The following FAM120A variants were observed in gnomAD, a reference collection of about 807,000 sequenced individuals.
FAM120A encodes the protein constitutive coactivator of PPAR-gamma-like protein 1.
In FAM120A, 15 loss-of-function variants were observed where a neutral mutation model predicts 109.7. That is an observed-to-expected ratio of 0.14 (90% confidence interval 0.09 to 0.21). The LOEUF is 0.21. Ranked by LOEUF, FAM120A falls within the 10% of genes least tolerant of loss-of-function variation. FAM120A has a pLI of 1.00. For synonymous variants in FAM120A, 493 were observed against 572.8 expected (o/e 0.86, Z 1.99); for missense variants, 899 against 1,439.3 (o/e 0.62, Z 6.07).
At chr9:93,509,706 G>T (rs1183098151) in intron 5 of FAM120A, among the ~76,000 whole-genome samples, 1 of 151,986 alleles carries the variant, frequency 6.6e-6, no homozygotes, top group African/African-American at 2.4e-5. Flanking sequence ...AAGTTTTGTT[G>T]TTGTTGTGAT....
Position 93,497,636 on chromosome 9 carries a change from C to T in FAM120A, c.933+37C>T, listed in dbSNP as rs754788441. ...AACAAACAAAACAAAAAAACAGATTCATGGGATATGACGTTGCATAGTGGT... is the reference window on the plus strand; with the variant it reads ...AACAAACAAAACAAAAAAACAGATTTATGGGATATGACGTTGCATAGTGGT... On this transcript the variant is annotated intron_variant, in intron 4 of 17. Coordinates refer to ENST00000277165, the MANE Select transcript of FAM120A (RefSeq NM_014612.5). The T allele has an allele frequency of 1.1e-5, 17 of 1,586,206 alleles. No individual in the cohort carries two copies. In the African/African-American group the frequency reaches 1.9e-4, roughly 18 times the overall value.
intron 5 of FAM120A, among the ~76,000 whole-genome samples, chr9:93,506,653 A>G (rs1172030052): frequency 6.6e-6 from 1 of 150,782 alleles, no homozygotes; most frequent in African/African-American, 2.4e-5. Context: ...ACTGGAGTGC[A>G]GTGATACAAT....
chr9:93,502,421 G>T (rs1218197067), intron 5 of FAM120A, among the ~76,000 whole-genome samples: 1 of 152,076 alleles, frequency 6.6e-6, no homozygotes, highest in Non-Finnish European at 1.5e-5. Context: ...TCCTAGCTAG[G>T]TACCAGTTGG....
chr9:93,454,615 G>T (rs748710969), intron 1 of FAM120A, among the ~76,000 whole-genome samples: 5 of 152,176 alleles, frequency 3.3e-5, no homozygotes, highest in Admixed American at 6.5e-5. Flanking sequence ...TGACAAGAGA[G>T]ATTTAAAAAG....
At position 93,452,363 on chromosome 9, in the gene FAM120A, C is replaced by A; in HGVS notation, c.448C>A (p.Leu150Met). 6.2e-7 allele frequency: 1 copy of A among 1,611,102 alleles called. No individual in the cohort carries two copies. Among genetic ancestry groups the A allele is most frequent in the South Asian group, 1.1e-5 (1 of 90,596 alleles). Residue 150 changes from leucine to methionine, a missense_variant, in exon 1 of 18, where the codon CTG (leucine) becomes ATG (methionine). Physicochemically the swap from Leu to Met is conservative, Grantham distance 15. Around this residue, in one of 11 missense-constraint regions of FAM120A, gnomAD observed 258 missense variants for 451.4 expected, o/e 0.57. Coordinates refer to ENST00000277165, the MANE Select transcript of FAM120A (RefSeq NM_014612.5). The surrounding 1 kb of genome is among the most constrained non-coding windows in gnomAD (Gnocchi z 7.0). ...CGTCTGCATGGCCCACTGCATCCGC[C>A]TGGCGCTCATCCGCTTCCACGTCAA... ...PPVCMAHCIR[L>M]ALIRFHVKVA...
At chr9:93,465,832 C>A (rs1475830337) in intron 1 of FAM120A, among the ~76,000 whole-genome samples, 1 of 152,202 alleles carries the variant, frequency 6.6e-6, no homozygotes, top group East Asian at 1.9e-4. Flanking sequence ...TGTCCTCCAT[C>A]CCCTGTCTTC....
At chr9:93,550,483 C>A in intron 11 of FAM120A, 94 bp from the exon 12 acceptor site, 2 of 853,524 alleles carry the variant, frequency 2.3e-6, no homozygotes, top group Non-Finnish European at 2.0e-6. Flanking sequence ...TAGCTCACAT[C>A]ATCCGGGATT....
At position 93,522,535 on chromosome 9, in the gene FAM120A, TTAA is replaced by T. The variant is rs1860886970; in HGVS notation, c.1419-4616_1419-4614del. On this transcript the variant is annotated intron_variant, in intron 7 of 17. Coordinates refer to ENST00000277165, the MANE Select transcript of FAM120A (RefSeq NM_014612.5). ...TGTACATGTACTTAATACCCAATAT[TTAA>T]TAAGATCTATATACATCCACTTTAT... Among the ~76,000 whole-genome samples, 3 of 152,246 alleles carry T rather than the reference TTAA, an allele frequency of 2.0e-5. No homozygotes were observed. The South Asian group carries it at 6.2e-4, about 31-fold the overall frequency.
chr9:93,465,139 GT>G (rs1361514938), intron 1 of FAM120A, among the ~76,000 whole-genome samples: 1 of 152,142 alleles, frequency 6.6e-6, no homozygotes, highest in African/African-American at 2.4e-5. Flanking sequence ...AGTACTTAAC[GT>G]TTATTCTTAA....
At chr9:93,453,250 G>C (rs1390073099) in intron 1 of FAM120A, 1 of 993,632 alleles carries the variant, frequency 1.0e-6, no homozygotes, top group Non-Finnish European at 1.2e-6. Flanking sequence ...CTGACGGGTG[G>C]GTAATCAGAG....
At chr9:93,461,751 T>A (rs1285791937) in intron 1 of FAM120A, among the ~76,000 whole-genome samples, 1 of 152,180 alleles carries the variant, frequency 6.6e-6, no homozygotes, top group East Asian at 1.9e-4. Context: ...AAATCTGAAA[T>A]GCTCCAAAAT....
intron 5 of FAM120A, among the ~76,000 whole-genome samples, chr9:93,505,045 G>C (rs952025397): frequency 1.5e-5 from 2 of 137,426 alleles, no homozygotes; most frequent in Admixed American, 1.5e-4. Context: ...CATGTTGTTC[G>C]CTTGTGTTTT....
At chr9:93,468,879 T>C (rs1858180976) in intron 1 of FAM120A, among the ~76,000 whole-genome samples, 1 of 152,194 alleles carries the variant, frequency 6.6e-6, no homozygotes. Context: ...TATTGCCTGC[T>C]GTTTTACAAT....
intron 1 of FAM120A, among the ~76,000 whole-genome samples, chr9:93,466,562 T>C (rs1225808223): frequency 6.6e-6 from 1 of 151,834 alleles, no homozygotes; most frequent in East Asian, 1.9e-4. Flanking sequence ...ATGGAGAAGG[T>C]GCCTGGAAAC....
chr9:93,501,531 G>C (rs10821143), intron 5 of FAM120A, among the ~76,000 whole-genome samples: 41,265 of 152,088 alleles, frequency 0.27, 6,900 homozygotes, highest in East Asian at 0.44. Flanking sequence ...ATGATAGTTT[G>C]AGGCAGCTTA....
chr9:93,536,529 C>T (rs4307405), intron 10 of FAM120A, among the ~76,000 whole-genome samples: 42,487 of 152,184 alleles, frequency 0.28, 7,000 homozygotes, highest in East Asian at 0.42. Flanking sequence ...ATTCAAAAGG[C>T]AAGCATGTTG....
At chr9:93,525,795 T>C (rs1337180653) in intron 7 of FAM120A, among the ~76,000 whole-genome samples, 3 of 152,188 alleles carry the variant, frequency 2.0e-5, no homozygotes, top group African/African-American at 7.2e-5. Flanking sequence ...TCCTCTAGTT[T>C]TGTTAAGTTG....
At chr9:93,516,839 T>C (rs1215146870) in intron 7 of FAM120A, among the ~76,000 whole-genome samples, 1 of 152,220 alleles carries the variant, frequency 6.6e-6, no homozygotes, top group African/African-American at 2.4e-5. Context: ...AAATACATAG[T>C]TGGTTAAAAT....
chr9:93,514,356 A>G (rs1041387923), intron 5 of FAM120A, among the ~76,000 whole-genome samples: 1 of 152,224 alleles, frequency 6.6e-6, no homozygotes, highest in African/African-American at 2.4e-5. Flanking sequence ...CAGCCTAACC[A>G]TATCAACTGG....
Sources: allele counts gnomAD v4.1 joint callset (sites outside exome capture counted in the v4.1 genomes callset), GRCh38; gene constraint gnomAD v4.1.1; regional missense constraint gnomAD v4.1.1; non-coding constraint Gnocchi (gnomAD v3.1); transcripts MANE v1.5; gene names NCBI Gene and HGNC (gene_info 2026-07-23, HGNC 2026-07-21).